The following TNC variants were observed in gnomAD, a reference collection of about 807,000 sequenced individuals.
TNC encodes tenascin.
A neutral mutation model predicts 202.4 loss-of-function variants in TNC; 109 were observed. The observed-to-expected ratio is 0.54, with a 90% confidence interval of 0.46 to 0.63. The LOEUF (loss-of-function observed/expected upper bound fraction) is 0.63, where lower values mean the gene tolerates loss of function less well. Among genes scored for constraint, TNC ranks in the 30% least tolerant of loss-of-function variants. The pLI is 0.00. For synonymous variants in TNC, 1,007 were observed against 1,089.7 expected (o/e 0.92, Z 1.50); for missense variants, 2,756 against 2,833.3 (o/e 0.97, Z 0.62).
chr9:115,023,469 G>T (rs982089317), intron 27 of TNC, among the ~76,000 whole-genome samples: 24 of 152,344 alleles, frequency 1.6e-4, no homozygotes, highest in African/African-American at 5.3e-4. Flanking sequence ...AATGCCAGGG[G>T]CTGGAAGTGG....
intron 17 of TNC, among the ~76,000 whole-genome samples, chr9:115,044,166 G>A (rs1427447650): frequency 6.6e-6 from 1 of 151,676 alleles, no homozygotes; most frequent in African/African-American, 2.4e-5. Flanking sequence ...GAGAGGAGGA[G>A]CTACAGCAGG....
In TNC at chr9:115,046,608, C is replaced by T. The variant is rs759895596; in HGVS notation, c.4927G>A (p.Asp1643Asn). The T allele has an allele frequency of 2.5e-6, 4 of 1,614,066 alleles. No homozygotes were observed. Among genetic ancestry groups the T allele is most frequent in the Non-Finnish European group, 3.4e-6 (4 of 1,180,004 alleles). ...PDGFRLSWTA[D>N]EGVFDNFVLK... ...ACAAAATTGTCGAAGACCCCTTCAT[C>T]AGCTGTCCAGGACAGACGGAAACCG... The change falls in exon 17 of 28, where the codon GAT becomes AAT. Residue 1643 changes from aspartate to asparagine, a missense_variant. By Grantham distance (23) the Asp-to-Asn change is conservative. Around this residue, in one of 2 missense-constraint regions of TNC, gnomAD observed 2,559 missense variants for 2,546.0 expected, o/e 1.01. Transcript: ENST00000350763.
chr9:115,061,703 T>TG (rs1215288685), intron 13 of TNC, among the ~76,000 whole-genome samples: 3 of 152,194 alleles, frequency 2.0e-5, no homozygotes, highest in African/African-American at 7.2e-5. Flanking sequence ...ATATGTAGAG[T>TG]GGGGCATGGG....
intron 10 of TNC, among the ~76,000 whole-genome samples, chr9:115,069,043 T>C (rs558965093): frequency 6.6e-6 from 1 of 152,374 alleles, no homozygotes; most frequent in Non-Finnish European, 1.5e-5. Flanking sequence ...TTCTCTTCTA[T>C]ACACCGGCAT....
intron 2 of TNC, among the ~76,000 whole-genome samples, chr9:115,087,709 T>C (rs1417647288): frequency 1.4e-5 from 2 of 147,666 alleles, no homozygotes; most frequent in Non-Finnish European, 3.0e-5. Flanking sequence ...TTTTTTTTTT[T>C]TTTTTTTTTT....
intron 24 of TNC, 120 bp from the exon 25 acceptor site, chr9:115,029,576 A>C (rs1232238035): frequency 5.1e-6 from 5 of 985,360 alleles, no homozygotes; most frequent in Non-Finnish European, 7.8e-6. Context: ...GTCCATCCCT[A>C]ATTTGCTATG....
rs888322294 is a variant in TNC at position 115,019,653 on chromosome 9, A to C, written c.*1504T>G. 2.0e-5 allele frequency: 3 copies of C among 152,258 alleles called. No homozygotes were observed. The highest frequency in any genetic ancestry group is 6.5e-5 in the Admixed American group (1 of 15,282). The allele number at this position is 152,258 out of a possible 1,614,324, so 9.4% of individuals were successfully genotyped here. A position where few individuals can be genotyped will look rare whatever the true frequency, so the allele number is the denominator to read the frequency against. On this transcript the variant is annotated 3_prime_UTR_variant, in exon 28 of 28. Coordinates refer to ENST00000350763, the MANE Select transcript of TNC (RefSeq NM_002160.4). ...GTTTCTATGAACCCCAGTCCATCTC[A>C]TATAAAGTGATAATGATGATAGCTA...
At chr9:115,089,484 C>A (rs866069259) in intron 2 of TNC, among the ~76,000 whole-genome samples, 1,561 of 150,674 alleles carry the variant, frequency 0.01, 24 homozygotes, top group African/African-American at 0.037. Flanking sequence ...CCCTATCTCT[C>A]TCTCTCTCTC....
chr9:115,082,929 G>A, intron 4 of TNC, 122 bp from the exon 5 acceptor site: 1 of 658,984 alleles, frequency 1.5e-6, no homozygotes, highest in African/African-American at 1.8e-5. Flanking sequence ...AACCAGAGCA[G>A]GTGTCCTTTT....
rs1487685681 is a variant in TNC at position 115,070,761 on chromosome 9, T to C, written c.3214+2842A>G. Among the ~76,000 whole-genome samples, 4 of 152,226 alleles carry C rather than the reference T, an allele frequency of 2.6e-5. No homozygotes were observed. The East Asian group carries it at 7.7e-4, about 29-fold the overall frequency. On this transcript the variant is annotated intron_variant, in intron 10 of 27. Coordinates refer to ENST00000350763, the MANE Select transcript of TNC (RefSeq NM_002160.4). ...GCTGGAAGGTTCTTGCTTCTGATGG[T>C]TGAACCTAAAACTCTGCAACATTTC... is the stretch of plus-strand genomic sequence containing the variant.
rs1014236910 is a variant in TNC at position 115,020,834 on chromosome 9, C to G, written c.*323G>C. 1.5e-5 allele frequency: 5 copies of G among 322,634 alleles called. No homozygotes were observed. Among genetic ancestry groups the G allele is most frequent in the Non-Finnish European group, 2.9e-5 (5 of 171,802 alleles). 20.0% of individuals were successfully genotyped at this position (322,634 alleles called of 1,614,324 possible). On this transcript the variant is annotated 3_prime_UTR_variant, in exon 28 of 28. Coordinates refer to ENST00000350763, the MANE Select transcript of TNC (RefSeq NM_002160.4). ...CGGCTGGTTCTAAAACAAACTACCCCTGTACATCCTACCCCTCTCCCATTC... is the reference window on the plus strand; with the variant it reads ...CGGCTGGTTCTAAAACAAACTACCCGTGTACATCCTACCCCTCTCCCATTC...
chr9:115,087,289 C>T lies in TNC; in HGVS notation c.458-16G>A, dbSNP rs1347763151. 5 of 1,607,410 alleles carry T rather than the reference C, an allele frequency of 3.1e-6. No homozygotes were observed. Among genetic ancestry groups the T allele is most frequent in the African/African-American group, 1.3e-5 (1 of 74,782 alleles). On this transcript the variant is annotated splice_polypyrimidine_tract_variant and intron_variant, in intron 2 of 27. Coordinates refer to ENST00000350763, the MANE Select transcript of TNC (RefSeq NM_002160.4). ...TCCAAGCGGCCTGCAACAAAAGAAA[C>T]AGAAGTTCTCAGCCAGGCTTAAGCA... is the stretch of plus-strand genomic sequence containing the variant.
At chr9:115,049,988 T>C (rs1831524227) in intron 15 of TNC, among the ~76,000 whole-genome samples, 1 of 152,222 alleles carries the variant, frequency 6.6e-6, no homozygotes, top group Non-Finnish European at 1.5e-5. Flanking sequence ...GGCAGTTTTT[T>C]CCACGTAAAG....
At chr9:115,056,810 G>A (rs934181825) in intron 15 of TNC, among the ~76,000 whole-genome samples, 1 of 152,226 alleles carries the variant, frequency 6.6e-6, no homozygotes, top group Non-Finnish European at 1.5e-5. Context: ...CTCTTTGACT[G>A]AGGCAGACAT....
At chr9:115,055,413 G>A (rs1233258341) in intron 15 of TNC, 1 of 152,582 alleles carries the variant, frequency 6.6e-6, no homozygotes, top group African/African-American at 2.4e-5. Flanking sequence ...GGTAGCGGGT[G>A]ATTTTTGGAA....
chr9:115,071,760 G>T (rs916672938), intron 10 of TNC, among the ~76,000 whole-genome samples: 1 of 152,084 alleles, frequency 6.6e-6, no homozygotes, highest in Non-Finnish European at 1.5e-5. Context: ...GAGAGAAAGA[G>T]AAAGAAAAGA....
Position 115,059,644 on chromosome 9 carries a change from A to G in TNC, c.4306+86T>C. ...AAAGGCACATGAAAAGGATTCAGTT[A>G]TGGCGAGATGCTGACTCCGCGCATG... On this transcript the variant is annotated intron_variant, in intron 14 of 27. Coordinates refer to ENST00000350763, the MANE Select transcript of TNC (RefSeq NM_002160.4). 3.6e-6 allele frequency: 5 copies of G among 1,384,094 alleles called. No individual in the cohort carries two copies. The East Asian group carries it at 9.2e-5, about 26-fold the overall frequency. The allele number at this position is 1,384,094 out of a possible 1,614,324, so 85.7% of individuals were successfully genotyped here.
At chr9:115,096,297 T>C (rs1380525007) in intron 1 of TNC, among the ~76,000 whole-genome samples, 1 of 152,190 alleles carries the variant, frequency 6.6e-6, no homozygotes, top group Admixed American at 6.5e-5. Flanking sequence ...CTGTCCCATA[T>C]TCCGCATGTG....
chr9:115,109,772 G>T (rs1194119660), intron 1 of TNC, among the ~76,000 whole-genome samples: 1 of 152,184 alleles, frequency 6.6e-6, no homozygotes, highest in Non-Finnish European at 1.5e-5. Context: ...TCCTAGGGCT[G>T]GGATGGTTTC....
Sources: allele counts gnomAD v4.1 joint callset (sites outside exome capture counted in the v4.1 genomes callset), GRCh38; gene constraint gnomAD v4.1.1; regional missense constraint gnomAD v4.1.1; transcripts MANE v1.5; gene names NCBI Gene and HGNC (gene_info 2026-07-23, HGNC 2026-07-21).